Variants in SHROOM2 observed in about 807,000 individuals in gnomAD.
The protein encoded by SHROOM2 is shroom family member 2.
In SHROOM2, 33 loss-of-function variants were observed where a neutral mutation model predicts 75.9. That is an observed-to-expected ratio of 0.43 (90% confidence interval 0.33 to 0.58). SHROOM2 has a LOEUF of 0.58. Among genes scored for constraint, SHROOM2 ranks in the 20% least tolerant of loss-of-function variants. The pLI is 0.04. For synonymous variants in SHROOM2, 655 were observed against 663.6 expected, an observed-to-expected ratio of 0.99 and a Z score of 0.20; for missense variants, 1,434 against 1,461.2, an observed-to-expected ratio of 0.98 and a Z score of 0.30.
intron 1 of SHROOM2, among the ~76,000 whole-genome samples, chrX:9,808,630 G>C (rs1045710208): frequency 1.8e-5 from 2 of 110,200 alleles, no homozygotes; most frequent in East Asian, 2.8e-4. Context: ...GGGAGGCCAA[G>C]GTGGGTGGAT....
At chrX:9,857,744 G>A (rs1255117244) in intron 1 of SHROOM2, among the ~76,000 whole-genome samples, 1 of 111,050 alleles carries the variant, frequency 9.0e-6, no homozygotes, top group African/African-American at 3.3e-5. Flanking sequence ...GACACAGGGA[G>A]ATTACCCACC....
intron 1 of SHROOM2, among the ~76,000 whole-genome samples, chrX:9,855,802 C>T (rs1022339558): frequency 2.7e-5 from 3 of 111,254 alleles, no homozygotes; most frequent in Admixed American, 9.7e-5. Context: ...ACTAGGCACA[C>T]GCTTAACTCA....
Position 9,894,744 on chromosome X carries a change from G to T in SHROOM2, c.836G>T (p.Gly279Val). Reference protein sequence around the residue: ...PPRVPGDSGKGPRPEYNAEPK... With the variant: ...PPRVPGDSGKVPRPEYNAEPK... Reference sequence around the variant, plus strand: ...AGGGTCCCCGGTGACAGCGGCAAAGGCCCCAGGCCAGAGTACAATGCCGAG... The same window carrying T: ...AGGGTCCCCGGTGACAGCGGCAAAGTCCCCAGGCCAGAGTACAATGCCGAG... The change falls in exon 4 of 10, where the codon GGC (glycine) becomes GTC (valine). Residue 279 changes from glycine (G) to valine (V), a missense_variant. Transcript: ENST00000380913. 8.3e-7 allele frequency: 1 copy of T among 1,211,245 alleles called. No individual in the cohort carries two copies. The highest frequency in any genetic ancestry group is 1.1e-6 in the Non-Finnish European group (1 of 895,223).
Position 9,940,478 on chromosome X carries a change from G to A in SHROOM2, c.4311+1112G>A, listed in dbSNP as rs555673335. ...GCCGCCTCACCAGAAGTGTGGCTCC[G>A]GAACTGAGTGAGTCACTGTGGGCTG... is the stretch of plus-strand genomic sequence containing the variant. On this transcript the variant is annotated intron_variant, in intron 8 of 9. Coordinates refer to ENST00000380913, the MANE Select transcript of SHROOM2 (RefSeq NM_001649.4). Among the ~76,000 whole-genome samples, 4 of 111,905 alleles carry A rather than the reference G, an allele frequency of 3.6e-5. No individual in the cohort carries two copies. In the East Asian group the frequency reaches 8.5e-4, roughly 24 times the overall value.
chrX:9,886,249 G>A (rs183880309), intron 2 of SHROOM2, among the ~76,000 whole-genome samples: 17 of 112,335 alleles, frequency 1.5e-4, no homozygotes, highest in African/African-American at 5.5e-4. Flanking sequence ...ATGCATTCCC[G>A]TCCATGGGGA....
chrX:9,831,559 G>A (rs1249470530), intron 1 of SHROOM2, among the ~76,000 whole-genome samples: 1 of 112,514 alleles, frequency 8.9e-6, no homozygotes, highest in African/African-American at 3.2e-5. Context: ...TTGGGAGGCT[G>A]AGGCAGGAGA....
chrX:9,923,015 C>G (rs1161972137), intron 5 of SHROOM2, among the ~76,000 whole-genome samples: 1 of 111,664 alleles, frequency 9.0e-6, no homozygotes, highest in Non-Finnish European at 1.9e-5. Flanking sequence ...TTTTTAAAAC[C>G]CGCGTGTCTG....
chrX:9,917,170 T>C (rs2084497769), intron 5 of SHROOM2, among the ~76,000 whole-genome samples: 1 of 111,811 alleles, frequency 8.9e-6, no homozygotes, highest in African/African-American at 3.3e-5. Flanking sequence ...GTAGTTCCCA[T>C]CTTTTGCTCT....
chrX:9,841,201 C>G (rs1332358049), intron 1 of SHROOM2, among the ~76,000 whole-genome samples: 1 of 112,018 alleles, frequency 8.9e-6, no homozygotes, highest in Non-Finnish European at 1.9e-5. Context: ...GGTGATCCTT[C>G]CGCCTCGGCC....
chrX:9,802,300 G>A lies in SHROOM2; in HGVS notation c.165+15590G>A, dbSNP rs760646669. Among the ~76,000 whole-genome samples the A allele has an allele frequency of 1.6e-4, 18 of 111,764 alleles. No homozygotes were observed. The East Asian group carries it at 2.5e-3, about 16-fold the overall frequency. ...GCATATCCGCATCACCTGGGAGCTC[G>A]TTAGAACTGCAGAATCTCAGCCCCT... On this transcript the variant is annotated intron_variant, in intron 1 of 9. Transcript: ENST00000380913.
chrX:9,792,074 T>A (rs1243730822), intron 1 of SHROOM2, among the ~76,000 whole-genome samples: 670 of 9,012 alleles, frequency 0.074, 50 homozygotes, highest in African/African-American at 0.092. Context: ...TAGAATAGAA[T>A]AGAATAGAAT....
At chrX:9,849,801 G>A (rs1024951909) in intron 1 of SHROOM2, among the ~76,000 whole-genome samples, 5 of 111,975 alleles carry the variant, frequency 4.5e-5, no homozygotes, top group African/African-American at 1.3e-4. Context: ...GTACAATGAA[G>A]ATAACACCAG....
chrX:9,930,703 GTTC>G (rs2084640648), intron 5 of SHROOM2, among the ~76,000 whole-genome samples: 1 of 110,818 alleles, frequency 9.0e-6, no homozygotes. Flanking sequence ...CAAATGTATT[GTTC>G]TCTAACCCAT....
chrX:9,792,048 AT>A (rs1242242848), intron 1 of SHROOM2, among the ~76,000 whole-genome samples: 3,596 of 27,063 alleles, frequency 0.13, 302 homozygotes, highest in East Asian at 0.17. Flanking sequence ...ATAGAATAGA[AT>A]AGAATAGAAT....
At chrX:9,845,872 G>C (rs1187534142) in intron 1 of SHROOM2, among the ~76,000 whole-genome samples, 6 of 92,775 alleles carry the variant, frequency 6.5e-5, no homozygotes, top group Non-Finnish European at 1.1e-4. Flanking sequence ...TTATGTTTTA[G>C]GAATGTTCTA....
At chrX:9,907,561 G>A (rs1029838231) in intron 5 of SHROOM2, among the ~76,000 whole-genome samples, 2 of 111,427 alleles carry the variant, frequency 1.8e-5, no homozygotes, top group African/African-American at 6.5e-5. Context: ...GGGTTGAGGG[G>A]TCTAGGTCAG....
At chrX:9,848,290 G>A (rs1251488119) in intron 1 of SHROOM2, among the ~76,000 whole-genome samples, 1 of 106,405 alleles carries the variant, frequency 9.4e-6, no homozygotes, top group Non-Finnish European at 1.9e-5. Flanking sequence ...GGATCATGAG[G>A]TCAGGAGATC....
chrX:9,914,030 T>C (rs1166725205), intron 5 of SHROOM2, among the ~76,000 whole-genome samples: 2 of 108,649 alleles, frequency 1.8e-5, no homozygotes, highest in African/African-American at 6.7e-5. Context: ...ACTTTGTCCC[T>C]TTCTGTTTCT....
In SHROOM2 at chrX:9,895,092, G is replaced by A. The variant is rs752586497; in HGVS notation, c.1184G>A (p.Gly395Asp). The stretch of plus-strand genomic sequence containing the variant: ...TGCCCACAGGAGGCCCACGCAGACG[G>A]CAGCTGGCCGCCCTCCAAGGATGGA... ...PGCPQEAHAD[G>D]SWPPSKDGAS... The change falls in exon 4 of 10, where the codon GGC (glycine) becomes GAC (aspartate). Residue 395 changes from glycine (G) to aspartate (D), a missense_variant. By Grantham distance (94) the Gly-to-Asp change is moderately conservative. Around this residue, in one of 3 missense-constraint regions of SHROOM2, gnomAD observed 1,340 missense variants for 1,338.3 expected, o/e 1.00. Coordinates refer to ENST00000380913, the MANE Select transcript of SHROOM2 (RefSeq NM_001649.4). The A allele has an allele frequency of 2.4e-5, 29 of 1,208,411 alleles. No homozygotes were observed. The highest frequency in any genetic ancestry group is 3.1e-5 in the Non-Finnish European group (28 of 894,387).
Sources: allele counts gnomAD v4.1 joint callset (sites outside exome capture counted in the v4.1 genomes callset), GRCh38; gene constraint gnomAD v4.1.1; regional missense constraint gnomAD v4.1.1; transcripts MANE v1.5; gene names NCBI Gene and HGNC (gene_info 2026-07-23, HGNC 2026-07-21).